The following FLCN variants were observed in gnomAD, a reference collection of about 807,000 sequenced individuals.
The protein encoded by FLCN is folliculin, also known as BHD skin lesion fibrofolliculoma protein.
FLCN carries 22 observed loss-of-function variants against 62.5 expected under a neutral mutation model. That is an observed-to-expected ratio of 0.35 (90% confidence interval 0.25 to 0.50). The LOEUF (loss-of-function observed/expected upper bound fraction) is 0.50, where lower values mean the gene tolerates loss of function less well. Among genes scored for constraint, FLCN ranks in the 20% least tolerant of loss-of-function variants. The pLI is 0.97. For synonymous variants in FLCN, 319 were observed against 310.0 expected (o/e 1.03, Z -0.30); for missense variants, 657 against 778.0 (o/e 0.84, Z 1.85).
intron 13 of FLCN, 122 bp downstream of exon 13, chr17:17,214,863 C>T (rs1044970239): frequency 3.4e-5 from 36 of 1,067,576 alleles, no homozygotes; most frequent in Middle Eastern, 2.9e-4. Flanking sequence ...GTTGGAACCC[C>T]GCCCCCAACC....
intron 11 of FLCN, among the ~76,000 whole-genome samples, chr17:17,215,816 G>C (rs73284542): frequency 6.6e-6 from 1 of 152,354 alleles, no homozygotes; most frequent in African/African-American, 2.4e-5. Flanking sequence ...TGAGTCAGCA[G>C]CTGCTGGTCA....
intron 3 of FLCN, among the ~76,000 whole-genome samples, chr17:17,230,930 T>C (rs9652821): frequency 0.027 from 4,038 of 152,022 alleles, 190 homozygotes; most frequent in African/African-American, 0.092. Flanking sequence ...AGTGCGGTTG[T>C]TCATGCCTGT....
chr17:17,228,950 C>T (rs1026787825), intron 3 of FLCN: 3 of 152,416 alleles, frequency 2.0e-5, no homozygotes, highest in African/African-American at 7.2e-5. Context: ...AATAGGTTCA[C>T]TCATGCCCAT....
chr17:17,232,361 C>T lies in FLCN; in HGVS notation c.-114+427G>A, dbSNP rs530065748. On this transcript the variant is annotated intron_variant, in intron 2 of 13. Coordinates refer to ENST00000285071, the MANE Select transcript of FLCN (RefSeq NM_144997.7). ...AAGTGCCTTCCTGACACACAGGAAGCGCCACATTCACGTGTTAGATAAATG... is the reference window on the plus strand; with the variant it reads ...AAGTGCCTTCCTGACACACAGGAAGTGCCACATTCACGTGTTAGATAAATG... 5.3e-5 allele frequency among the ~76,000 whole-genome samples: 8 copies of T among 152,292 alleles called. No homozygotes were observed. In the South Asian group the frequency reaches 1.2e-3, roughly 24 times the overall value.
intron 11 of FLCN, 76 bp from the exon 12 acceptor site, chr17:17,215,392 C>T: frequency 2.5e-6 from 4 of 1,606,534 alleles, no homozygotes; most frequent in Non-Finnish European, 2.5e-6. Flanking sequence ...CACCGTGGGC[C>T]CCACTCCGCT....
At chr17:17,219,332 TC>T in intron 8 of FLCN, 123 bp from the exon 9 acceptor site, 1 of 539,898 alleles carries the variant, frequency 1.9e-6, no homozygotes, top group South Asian at 1.4e-5. Flanking sequence ...GGTCCTATGC[TC>T]CCTGCTCCCT....
Position 17,215,285 on chromosome 17 carries a change from G to T in FLCN, c.1332C>A (p.Ala444=), listed in dbSNP as rs141283741. 7 of 1,614,076 alleles carry T rather than the reference G, an allele frequency of 4.3e-6. No homozygotes were observed. Among genetic ancestry groups the T allele is most frequent in the Non-Finnish European group, 5.9e-6 (7 of 1,180,032 alleles). Residue 444 remains alanine (A), a synonymous_variant, in exon 12 of 14, where the codon GCC becomes GCA. Transcript: ENST00000285071. ...CCACAGGGTGGAGGGTGGAACGTGC[G>T]GCTGCGTGGACCTCCACGATGACAG... The part of the protein sequence containing the change: ...EFAVIVEVHA[A]ARSTLHPVGC...
At chr17:17,214,775 C>A (rs2046858292) in intron 13 of FLCN, among the ~76,000 whole-genome samples, 1 of 152,102 alleles carries the variant, frequency 6.6e-6, no homozygotes, top group Non-Finnish European at 1.5e-5. Context: ...GCCACCCCCA[C>A]CTCCCCATGC....
intron 7 of FLCN, 130 bp downstream of exon 7, chr17:17,222,371 C>T: frequency 7.6e-7 from 1 of 1,314,494 alleles, no homozygotes; most frequent in Admixed American, 2.0e-5. Flanking sequence ...TGCCCACAGG[C>T]CAGTGCTCCT....
chr17:17,227,899 T>C lies in FLCN; in HGVS notation c.239A>G (p.Asp80Gly), dbSNP rs1597617167. The C allele has an allele frequency of 6.2e-7, 1 of 1,614,124 alleles. No homozygotes were observed. The highest frequency in any genetic ancestry group is 1.7e-5 in the Admixed American group (1 of 60,022). ...ESSSPGPKKS[D>G]MCEGCRSLAA... The stretch of plus-strand genomic sequence containing the variant: ...CCCAAAGACACTTGCCTCGCACATG[T>C]CCGACTTTTTGGGCCCCGGGCTGCT... The change falls in exon 4 of 14, where the codon GAC (aspartate) becomes GGC (glycine). Residue 80 changes from aspartate (D) to glycine (G), a missense_variant. Asp to Gly is a moderately conservative substitution (Grantham distance 94). Coordinates refer to ENST00000285071, the MANE Select transcript of FLCN (RefSeq NM_144997.7).
chr17:17,223,518 G>A (rs762452066), intron 6 of FLCN, among the ~76,000 whole-genome samples: 11 of 152,262 alleles, frequency 7.2e-5, no homozygotes, highest in Non-Finnish European at 1.6e-4. Flanking sequence ...AAGGTGCTGA[G>A]ATCCGAGGCT....
chr17:17,215,385 C>T (rs1292250882), intron 11 of FLCN, 69 bp from the exon 12 acceptor site: 17 of 1,609,002 alleles, frequency 1.1e-5, no homozygotes, highest in African/African-American at 1.3e-5. Flanking sequence ...GCTAGCCCAC[C>T]GTGGGCCCCA....
chr17:17,213,299 C>A lies in FLCN; in HGVS notation c.*356G>T, dbSNP rs7224474. 0.045 allele frequency: 20,640 copies of A among 454,662 alleles called. 2,734 individuals carry two copies. The highest frequency in any genetic ancestry group is 0.32 in the African/African-American group (16,267 of 51,610). 28.2% of individuals were successfully genotyped at this position (454,662 alleles called of 1,614,324 possible). On this transcript the variant is annotated 3_prime_UTR_variant, in exon 14 of 14. Coordinates refer to ENST00000285071, the MANE Select transcript of FLCN (RefSeq NM_144997.7). The stretch of plus-strand genomic sequence containing the variant: ...AACCTCGGGAGCAGACATGTTATTG[C>A]GACTGCATACTGAGTCGGACCTGTT...
intron 9 of FLCN, 42 bp downstream of exon 9, chr17:17,218,977 T>G: frequency 1.2e-6 from 2 of 1,607,664 alleles, no homozygotes; most frequent in South Asian, 2.2e-5. Context: ...CATGACTGGC[T>G]CTCCTCCTGA....
chr17:17,216,392 C>T lies in FLCN; in HGVS notation c.1288G>A (p.Val430Met), dbSNP rs911287169. Residue 430 changes from valine (V) to methionine (M), a missense_variant, in exon 11 of 14, where the codon GTG becomes ATG. Coordinates refer to ENST00000285071, the MANE Select transcript of FLCN (RefSeq NM_144997.7). This position sits in a 1 kb window ranked among gnomAD's most constrained non-coding sequence, Gnocchi z 4.0. The part of the protein sequence containing the change: ...LSPHVQIPPH[V>M]LSSEFAVIVE... ...CGGGGGCACGCACCTGAGGAGAGCA[C>T]GTGGGGGGGGATCTGCACGTGCGGG... 3 of 1,613,456 alleles carry T rather than the reference C, an allele frequency of 1.9e-6. No individual in the cohort carries two copies. The highest frequency in any genetic ancestry group is 2.2e-5 in the East Asian group (1 of 44,876).
intron 1 of FLCN, among the ~76,000 whole-genome samples, chr17:17,234,557 G>C (rs1188738492): frequency 6.6e-6 from 1 of 151,034 alleles, no homozygotes; most frequent in Non-Finnish European, 1.5e-5. Flanking sequence ...TTAATGAAAA[G>C]CACTCGCTGG....
intron 3 of FLCN, chr17:17,229,002 C>G (rs975859972): frequency 6.6e-6 from 1 of 152,658 alleles, no homozygotes; most frequent in Non-Finnish European, 1.5e-5. Flanking sequence ...AGGTGGGGAA[C>G]AAGCTGAGGC....
chr17:17,237,284 G>C (rs1337083119), upstream of FLCN: 1 of 152,242 alleles, frequency 6.6e-6, no homozygotes, highest in African/African-American at 2.4e-5. Flanking sequence ...CCTAGCTCTC[G>C]CAAGCCCAGG....
chr17:17,217,642 G>C, intron 9 of FLCN: 1 of 294,158 alleles, frequency 3.4e-6, no homozygotes, highest in East Asian at 9.1e-5. Context: ...CACAAGCCCA[G>C]GGCTGCTGCC....
Sources: allele counts gnomAD v4.1 joint callset (sites outside exome capture counted in the v4.1 genomes callset), GRCh38; gene constraint gnomAD v4.1.1; non-coding constraint Gnocchi (gnomAD v3.1); transcripts MANE v1.5; gene names NCBI Gene and HGNC (gene_info 2026-07-23, HGNC 2026-07-21).